The following MICAL2 variants were observed in gnomAD, a reference collection of about 807,000 sequenced individuals.
MICAL2 encodes microtubule associated monooxygenase, calponin and LIM domain containing 2.
Under a neutral mutation model 127.3 loss-of-function variants are expected in MICAL2, and 77 were observed. The observed-to-expected ratio is 0.60, with a 90% CI of 0.50 to 0.73. The LOEUF is 0.73. MICAL2 is among the 30% of genes least tolerant of loss of function. The probability of loss-of-function intolerance (pLI) is 0.00; values close to 1 mark genes in which losing one functional copy is unlikely to be tolerated. For missense variants in MICAL2, 1,351 were observed against 1,434.4 expected (o/e 0.94, Z 0.94); for synonymous variants, 570 against 551.1 (o/e 1.03, Z -0.48).
At chr11:12,124,732 C>A (rs1850777335) in intron 1 of MICAL2, among the ~76,000 whole-genome samples, 1 of 152,218 alleles carries the variant, frequency 6.6e-6, no homozygotes, top group South Asian at 2.1e-4. Context: ...CTCCCCTGTC[C>A]TGGTCTCCTC....
chr11:12,360,116 TTTTA>T (rs1415852512), downstream of MICAL2, among the ~76,000 whole-genome samples: 2 of 17,616 alleles, frequency 1.1e-4, no homozygotes, highest in African/African-American at 1.3e-4. Context: ...TCCTTTTTTT[TTTTA>T]AAAAAAAAAT....
chr11:12,247,675 C>T (rs1009525668), intron 21 of MICAL2, among the ~76,000 whole-genome samples: 2 of 152,220 alleles, frequency 1.3e-5, no homozygotes, highest in African/African-American at 4.8e-5. Flanking sequence ...CCAAACTCTG[C>T]CCCACCATTG....
intron 2 of MICAL2, among the ~76,000 whole-genome samples, chr11:12,149,642 C>T (rs1853351289): frequency 6.6e-6 from 1 of 152,094 alleles, no homozygotes; most frequent in Non-Finnish European, 1.5e-5. Flanking sequence ...AAATTTGACT[C>T]GAAGGATTTG....
chr11:12,157,321 C>T (rs1237400025), intron 2 of MICAL2, among the ~76,000 whole-genome samples: 1 of 152,190 alleles, frequency 6.6e-6, no homozygotes, highest in African/African-American at 2.4e-5. Context: ...TCTGCATAAA[C>T]CTTGAGCTTG....
intron 3 of MICAL2, among the ~76,000 whole-genome samples, chr11:12,167,484 G>T (rs1279988366): frequency 6.6e-6 from 1 of 152,092 alleles, no homozygotes; most frequent in Non-Finnish European, 1.5e-5. Flanking sequence ...GGTGGAAGGG[G>T]TGACACCGGG....
At position 12,213,238 on chromosome 11, in the gene MICAL2, C is replaced by T. The variant is rs1240768853; in HGVS notation, c.692-17C>T. 21 of 1,579,562 alleles carry T rather than the reference C, an allele frequency of 1.3e-5. No homozygotes were observed. In the Admixed American group the frequency reaches 1.8e-4, roughly 14 times the overall value. On this transcript the variant is annotated splice_polypyrimidine_tract_variant and intron_variant, in intron 6 of 27. Coordinates refer to ENST00000683283, the MANE Select transcript of MICAL2 (RefSeq NM_001282663.2). ...AATCCAGAAGATAGACCCACTTTTT[C>T]ATTTCTCCTCATGCAGGGTTCAGAA... is the stretch of plus-strand genomic sequence containing the variant.
chr11:12,257,893 C>CGTCTGG (rs979721091), intron 24 of MICAL2, among the ~76,000 whole-genome samples: 2 of 152,168 alleles, frequency 1.3e-5, no homozygotes, highest in African/African-American at 2.4e-5. Flanking sequence ...GTGCGTGCCC[C>CGTCTGG]GTCTGGGTCT....
intron 1 of MICAL2, among the ~76,000 whole-genome samples, chr11:12,115,397 C>T (rs761695108): frequency 6.6e-6 from 1 of 152,188 alleles, no homozygotes; most frequent in South Asian, 2.1e-4. Flanking sequence ...ATGGCCCTTC[C>T]CTGCGAACAG....
At chr11:12,266,940 A>T (rs1863615398), downstream of MICAL2, among the ~76,000 whole-genome samples, 1 of 152,240 alleles carries the variant, frequency 6.6e-6, no homozygotes, top group South Asian at 2.1e-4. Context: ...TGCACAGCAT[A>T]GAGCGCCCAG....
At position 12,256,869 on chromosome 11, in the gene MICAL2, C is replaced by T. The variant is rs770175549; in HGVS notation, c.3040C>T (p.Arg1014Trp). 13 of 1,614,090 alleles carry T rather than the reference C, an allele frequency of 8.1e-6. No homozygotes were observed. Among genetic ancestry groups the T allele is most frequent in the South Asian group, 4.4e-5 (4 of 91,092 alleles). The part of the protein sequence containing the change: ...FCKKRVYVME[R>W]LSAEGHFFHR... ...TAAGAAACGTGTGTACGTGATGGAA[C>T]GGCTGAGCGCCGAGGGCCACTTCTT... Residue 1014 changes from arginine to tryptophan, a missense_variant, in exon 24 of 28, where the codon CGG becomes TGG. By Grantham distance (101) the Arg-to-Trp change is moderately radical. Transcript: ENST00000683283.
At chr11:12,345,793 G>C (rs1490705705) in intron 32 of MICAL2, among the ~76,000 whole-genome samples, 1 of 151,930 alleles carries the variant, frequency 6.6e-6, no homozygotes, top group Non-Finnish European at 1.5e-5. Flanking sequence ...ATAGGATGAA[G>C]GTGTGAGAGA....
chr11:12,175,830 T>C (rs970515994), intron 3 of MICAL2, among the ~76,000 whole-genome samples: 3 of 152,000 alleles, frequency 2.0e-5, no homozygotes, highest in African/African-American at 7.3e-5. Flanking sequence ...CTCAGGATGT[T>C]GTGGAAACAG....
In MICAL2 at chr11:12,148,451, A is replaced by G. The variant is rs1186438591; in HGVS notation, c.-78+9991A>G. Among the ~76,000 whole-genome samples, 5 of 152,248 alleles carry G rather than the reference A, an allele frequency of 3.3e-5. No homozygotes were observed. In the East Asian group the frequency reaches 9.7e-4, roughly 29 times the overall value. On this transcript the variant is annotated intron_variant, in intron 2 of 27. Coordinates refer to ENST00000683283, the MANE Select transcript of MICAL2 (RefSeq NM_001282663.2). Reference sequence around the variant, plus strand: ...GGCTGTAGGGAGCCCTGAGAGATTTATGAACAGGATAAAGGTGAAGCTGGT... The same window carrying G: ...GGCTGTAGGGAGCCCTGAGAGATTTGTGAACAGGATAAAGGTGAAGCTGGT...
intron 26 of MICAL2, chr11:12,260,269 A>G (rs1176554092): frequency 2.1e-6 from 3 of 1,434,298 alleles, no homozygotes; most frequent in East Asian, 5.0e-5. Flanking sequence ...GAAGCCTAGC[A>G]TTCTCTAAGC....
chr11:12,124,590 T>C (rs1452385961), intron 1 of MICAL2, among the ~76,000 whole-genome samples: 1 of 152,230 alleles, frequency 6.6e-6, no homozygotes, highest in Non-Finnish European at 1.5e-5. Context: ...TTTTCCGTGC[T>C]CTGGGAGGTC....
At chr11:12,339,238 G>A (rs11604702) in intron 32 of MICAL2, among the ~76,000 whole-genome samples, 12,044 of 152,018 alleles carry the variant, frequency 0.079, 728 homozygotes, top group African/African-American at 0.16. Flanking sequence ...CCAGTTGATC[G>A]CGTCAGCTAC....
At chr11:12,294,735 A>G (rs1268280886), downstream of MICAL2, 12 of 1,613,704 alleles carry the variant, frequency 7.4e-6, no homozygotes, top group African/African-American at 5.3e-5. Context: ...CTGCCTGAAG[A>G]TAGTGCGCAG....
At chr11:12,227,944 C>T (rs1857688391) in intron 15 of MICAL2, among the ~76,000 whole-genome samples, 1 of 152,176 alleles carries the variant, frequency 6.6e-6, no homozygotes, top group African/African-American at 2.4e-5. Context: ...CATCACATGC[C>T]TAAGGAGCAG....
At chr11:12,273,016 G>A (rs1479961618), upstream of MICAL2, among the ~76,000 whole-genome samples, 2 of 152,192 alleles carry the variant, frequency 1.3e-5, no homozygotes, top group African/African-American at 4.8e-5. Context: ...ACAGCGTAAA[G>A]CGCAACTCTA....
Sources: allele counts gnomAD v4.1 joint callset (sites outside exome capture counted in the v4.1 genomes callset), GRCh38; gene constraint gnomAD v4.1.1; transcripts MANE v1.5; gene names NCBI Gene and HGNC (gene_info 2026-07-23, HGNC 2026-07-21).